The following CFDP1 variants were observed in gnomAD, a reference collection of about 807,000 sequenced individuals.
The protein encoded by CFDP1 is chromatin remodeling protein CFDP1.
A neutral mutation model predicts 40.1 loss-of-function variants in CFDP1; 31 were observed. The observed-to-expected ratio is 0.77, with a 90% CI of 0.58 to 1.04. The LOEUF is 1.04. Among genes scored for constraint, CFDP1 ranks in the 50% least tolerant of loss-of-function variants. The pLI, the probability that CFDP1 is intolerant of heterozygous loss-of-function variation, is 0.00. For synonymous variants in CFDP1, 167 were observed against 120.0 expected, an observed-to-expected ratio of 1.39 and a Z score of -2.56; for missense variants, 423 against 343.4, an observed-to-expected ratio of 1.23 and a Z score of -1.83.
intron 5 of CFDP1, among the ~76,000 whole-genome samples, chr16:75,379,082 G>C (rs1022805351): frequency 9.1e-6 from 1 of 109,812 alleles, no homozygotes; most frequent in Non-Finnish European, 2.2e-5. Flanking sequence ...GTTGAATATA[G>C]CTAAAGCAGT....
intron 5 of CFDP1, among the ~76,000 whole-genome samples, chr16:75,336,589 C>T (rs980931303): frequency 6.6e-6 from 1 of 152,220 alleles, no homozygotes; most frequent in African/African-American, 2.4e-5. Flanking sequence ...CTATTCTGCT[C>T]CTAGCTTTTT....
intron 6 of CFDP1, among the ~76,000 whole-genome samples, chr16:75,298,132 T>C (rs532522391): frequency 5.9e-4 from 90 of 152,352 alleles, no homozygotes; most frequent in African/African-American, 2.0e-3. Context: ...AAGGTACATA[T>C]AAAACAAATG....
intron 5 of CFDP1, among the ~76,000 whole-genome samples, chr16:75,360,234 A>G (rs2078672534): frequency 6.6e-6 from 1 of 151,190 alleles, no homozygotes; most frequent in South Asian, 2.1e-4. Flanking sequence ...TAAAGGAACC[A>G]GGAACCTAGA....
At chr16:75,366,950 G>C (rs1040426531) in intron 5 of CFDP1, among the ~76,000 whole-genome samples, 6 of 151,986 alleles carry the variant, frequency 3.9e-5, no homozygotes, top group African/African-American at 1.2e-4. Context: ...GATCACGTGA[G>C]GTCAGGAGTT....
chr16:75,332,658 A>G (rs1368797311), intron 5 of CFDP1, among the ~76,000 whole-genome samples: 1 of 151,630 alleles, frequency 6.6e-6, no homozygotes, highest in Non-Finnish European at 1.5e-5. Flanking sequence ...CAGAGCAAGA[A>G]AACCCTGTCT....
chr16:75,366,570 C>T (rs765392524), intron 5 of CFDP1, among the ~76,000 whole-genome samples: 2 of 152,070 alleles, frequency 1.3e-5, no homozygotes, highest in African/African-American at 2.4e-5. Context: ...TTGCAGTGAG[C>T]CGAGATCGTG....
intron 6 of CFDP1, among the ~76,000 whole-genome samples, chr16:75,299,141 G>C (rs2078204453): frequency 6.6e-6 from 1 of 152,098 alleles, no homozygotes; most frequent in East Asian, 1.9e-4. Flanking sequence ...CTGGGCCCTG[G>C]GAGTCTGGAG....
At position 75,429,123 on chromosome 16, in the gene CFDP1, A is replaced by G. The variant is rs185994351; in HGVS notation, c.64+4166T>C. ...GAGAGACAGAGTCTGTCTCGAAAAA[A>G]AAGAAAAAAGAAAATGGGAACAAAG... On this transcript the variant is annotated intron_variant, in intron 1 of 6. Transcript: ENST00000283882. Among the ~76,000 whole-genome samples the G allele has an allele frequency of 3.9e-4, 59 of 152,234 alleles. 1 individual carries two copies. Among genetic ancestry groups the G allele is most frequent in the Admixed American group, 3.3e-3 (51 of 15,270 alleles).
chr16:75,364,510 AC>A (rs1310049366), intron 5 of CFDP1, among the ~76,000 whole-genome samples: 1 of 152,162 alleles, frequency 6.6e-6, no homozygotes, highest in African/African-American at 2.4e-5. Flanking sequence ...GTATTCTGTC[AC>A]AAGTGGATTT....
At chr16:75,349,650 CAAA>C (rs61472076) in intron 5 of CFDP1, among the ~76,000 whole-genome samples, 17 of 23,230 alleles carry the variant, frequency 7.3e-4, no homozygotes, top group African/African-American at 1.5e-3. Flanking sequence ...GACTCCGTCT[CAAA>C]AAAAAAAAAA....
chr16:75,399,876 C>T (rs2079033798), intron 4 of CFDP1, among the ~76,000 whole-genome samples: 1 of 151,914 alleles, frequency 6.6e-6, no homozygotes, highest in Admixed American at 6.6e-5. Flanking sequence ...CCAAGGCAGG[C>T]GGATCACCTG....
chr16:75,426,472 AT>A (rs1037093964), intron 1 of CFDP1, among the ~76,000 whole-genome samples: 54 of 152,254 alleles, frequency 3.5e-4, no homozygotes, highest in African/African-American at 1.3e-3. Flanking sequence ...AGCACAACCC[AT>A]AATAGAAAAA....
Position 75,399,944 on chromosome 16 carries a change from A to G in CFDP1, c.531-4735T>C, listed in dbSNP as rs1175874824. On this transcript the variant is annotated intron_variant, in intron 4 of 6. Coordinates refer to ENST00000283882, the MANE Select transcript of CFDP1 (RefSeq NM_006324.3). ...TGGAGAAACCCCATCTCTATCAAAA[A>G]TACAAAATTAGCCAGTGGTGGTGGC... Among the ~76,000 whole-genome samples, 3 of 149,374 alleles carry G rather than the reference A, an allele frequency of 2.0e-5. No homozygotes were observed. The East Asian group carries it at 5.8e-4, about 29-fold the overall frequency.
chr16:75,312,802 TAA>T (rs947060738), intron 5 of CFDP1, among the ~76,000 whole-genome samples: 10 of 152,206 alleles, frequency 6.6e-5, no homozygotes, highest in African/African-American at 2.4e-4. Context: ...TCTTCCTATA[TAA>T]GACACCACCA....
At chr16:75,388,875 A>G (rs975027620) in intron 5 of CFDP1, among the ~76,000 whole-genome samples, 1 of 150,810 alleles carries the variant, frequency 6.6e-6, no homozygotes, top group Non-Finnish European at 1.5e-5. Flanking sequence ...AAACACTGCT[A>G]CACTGACATC....
intron 1 of CFDP1, among the ~76,000 whole-genome samples, chr16:75,427,377 A>C (rs986107093): frequency 6.6e-5 from 10 of 151,920 alleles, no homozygotes; most frequent in Non-Finnish European, 1.2e-4. Context: ...CATCCTCCCA[A>C]GTAGCTGGGA....
At chr16:75,412,950 A>C (rs75531662) in intron 2 of CFDP1, among the ~76,000 whole-genome samples, 196 bp from the exon 3 acceptor site, 4 of 152,010 alleles carry the variant, frequency 2.6e-5, no homozygotes, top group Non-Finnish European at 4.4e-5. Flanking sequence ...AAAAAAAAAA[A>C]CTGAGCTCTT....
At chr16:75,395,057 A>C (rs1183603214) in intron 5 of CFDP1, 33 bp downstream of exon 5, 2 of 1,612,256 alleles carry the variant, frequency 1.2e-6, no homozygotes, top group African/African-American at 1.3e-5. Flanking sequence ...CCAACGTGCC[A>C]AGTACATCAG....
intron 1 of CFDP1, among the ~76,000 whole-genome samples, chr16:75,425,687 A>C (rs1234702530): frequency 6.6e-6 from 1 of 151,812 alleles, no homozygotes; most frequent in Non-Finnish European, 1.5e-5. Context: ...TCCATAACTC[A>C]TATCTTATGC....
Sources: gnomAD v4.1 joint callset for allele counts (sites outside exome capture counted in the v4.1 genomes callset) on GRCh38, gnomAD v4.1.1 for gene constraint, MANE v1.5 for transcripts, NCBI Gene and HGNC (gene_info 2026-07-23, HGNC 2026-07-21) for gene names.